The following MECOM variants were observed in gnomAD, a reference collection of about 807,000 sequenced individuals.
MECOM encodes the protein MDS1 and EVI1 complex locus.
A neutral mutation model predicts 116.3 loss-of-function variants in MECOM; 13 were observed. That is an observed-to-expected ratio of 0.11 (90% CI 0.07 to 0.18). MECOM has a LOEUF of 0.18. Ranked by LOEUF, MECOM falls within the 10% of genes least tolerant of loss-of-function variation. The pLI is 1.00. For missense variants in MECOM, 1,299 were observed against 1,509.0 expected (o/e 0.86, Z 2.31); for synonymous variants, 528 against 535.2 (o/e 0.99, Z 0.19).
At chr3:169,096,275 T>C (rs1576872233) in intron 12 of MECOM, among the ~76,000 whole-genome samples, 1 of 151,886 alleles carries the variant, frequency 6.6e-6, no homozygotes, top group African/African-American at 2.4e-5. Context: ...ATGACCTTTT[T>C]TTTTTTTGTT....
chr3:169,213,430 A>G (rs929004633), intron 2 of MECOM, among the ~76,000 whole-genome samples: 1 of 152,076 alleles, frequency 6.6e-6, no homozygotes, highest in Non-Finnish European at 1.5e-5. Flanking sequence ...TTTTCCTTTG[A>G]TTAAAAAAAT....
chr3:169,210,181 G>C (rs545557470), intron 2 of MECOM, among the ~76,000 whole-genome samples: 22 of 152,118 alleles, frequency 1.4e-4, no homozygotes, highest in African/African-American at 5.1e-4. Flanking sequence ...GGGGCCAGTC[G>C]GGAGTGGGGG....
chr3:169,265,816 G>A (rs998446357), intron 2 of MECOM, among the ~76,000 whole-genome samples: 3 of 152,098 alleles, frequency 2.0e-5, no homozygotes, highest in South Asian at 2.1e-4. Context: ...CTTTCCCTTC[G>A]CTAGGACCTC....
At chr3:169,386,242 T>G (rs936426797) in intron 1 of MECOM, among the ~76,000 whole-genome samples, 1 of 152,152 alleles carries the variant, frequency 6.6e-6, no homozygotes. Context: ...ATAATACCAA[T>G]AATAGTAACT....
At chr3:169,157,671 A>G (rs1742191780) in intron 2 of MECOM, among the ~76,000 whole-genome samples, 1 of 152,228 alleles carries the variant, frequency 6.6e-6, no homozygotes, top group Non-Finnish European at 1.5e-5. Context: ...AAATCTTAAT[A>G]TAGCCTGTCT....
chr3:169,604,988 T>G (rs966990404), intron 1 of MECOM, among the ~76,000 whole-genome samples: 4 of 152,160 alleles, frequency 2.6e-5, no homozygotes, highest in African/African-American at 9.7e-5. Flanking sequence ...TGATATTATC[T>G]AAAGGGCAAG....
chr3:169,374,747 A>G (rs1730728607), intron 2 of MECOM, among the ~76,000 whole-genome samples: 1 of 152,002 alleles, frequency 6.6e-6, no homozygotes, highest in Non-Finnish European at 1.5e-5. Context: ...TAGAAAGAAC[A>G]TAAGGCTGGG....
chr3:169,149,255 C>T (rs990378060), intron 2 of MECOM, among the ~76,000 whole-genome samples: 5 of 152,066 alleles, frequency 3.3e-5, no homozygotes, highest in Admixed American at 2.0e-4. Context: ...GGTCTGGGAG[C>T]TCAGCGCCCC....
intron 13 of MECOM, among the ~76,000 whole-genome samples, chr3:169,094,187 T>C (rs372749470): frequency 1.3e-5 from 2 of 152,314 alleles, no homozygotes; most frequent in African/African-American, 4.8e-5. Flanking sequence ...TGTGCCTTTA[T>C]AGGGGAAGAA....
intron 2 of MECOM, among the ~76,000 whole-genome samples, chr3:169,200,002 A>T (rs1463168338): frequency 6.6e-6 from 1 of 150,948 alleles, no homozygotes; most frequent in South Asian, 2.2e-4. Context: ...TAATATCAAG[A>T]TATAGTAAAA....
chr3:169,175,305 T>TA lies in MECOM; in HGVS notation c.376-31474_376-31473insT, dbSNP rs200133592. On this transcript the variant is annotated intron_variant, in intron 2 of 16. Coordinates refer to ENST00000651503, the MANE Select transcript of MECOM (RefSeq NM_004991.4). ...TCTGAAATGCTCCAAAATATGACAT[T>TA]TTTGAGTGCCTATATGACACCACAG... Among the ~76,000 whole-genome samples the TA allele has an allele frequency of 4.5e-3, 686 of 152,244 alleles. 4 individuals carry two copies. Among genetic ancestry groups the TA allele is most frequent in the African/African-American group, 0.016 (646 of 41,546 alleles).
intron 2 of MECOM, among the ~76,000 whole-genome samples, chr3:169,270,313 C>T (rs996582972): frequency 2.6e-5 from 4 of 151,928 alleles, no homozygotes; most frequent in African/African-American, 4.8e-5. Context: ...ATCCTAAATA[C>T]GTGAAAAAAT....
At chr3:169,398,986 C>T (rs115326474) in intron 1 of MECOM, among the ~76,000 whole-genome samples, 46 of 152,308 alleles carry the variant, frequency 3.0e-4, no homozygotes, top group Non-Finnish European at 6.0e-4. Context: ...CCATGTTCAT[C>T]ATCTCCTCAA....
chr3:169,503,792 G>A (rs1754847996), intron 1 of MECOM, among the ~76,000 whole-genome samples: 1 of 151,922 alleles, frequency 6.6e-6, no homozygotes, highest in Non-Finnish European at 1.5e-5. Flanking sequence ...TTTCCATCTG[G>A]CTCCAGAACT....
intron 2 of MECOM, among the ~76,000 whole-genome samples, chr3:169,289,141 A>G (rs1331447495): frequency 1.3e-5 from 2 of 152,224 alleles, no homozygotes; most frequent in African/African-American, 4.8e-5. Context: ...AATACTATAT[A>G]TCTATATGTG....
intron 1 of MECOM, among the ~76,000 whole-genome samples, chr3:169,423,278 C>A (rs1392087695): frequency 6.6e-6 from 1 of 152,046 alleles, no homozygotes; most frequent in Non-Finnish European, 1.5e-5. Context: ...ATCGAGGTAT[C>A]AACAGGAAAA....
chr3:169,177,568 C>A (rs969491858), intron 2 of MECOM, among the ~76,000 whole-genome samples: 1 of 151,984 alleles, frequency 6.6e-6, no homozygotes, highest in African/African-American at 2.4e-5. Context: ...GCATTTTCTG[C>A]ATATGTATCC....
At chr3:169,132,072 C>A in intron 3 of MECOM, 2 of 651,442 alleles carry the variant, frequency 3.1e-6, no homozygotes, top group Non-Finnish European at 3.8e-6. Context: ...CAAAACTTAA[C>A]CCCTCTCTCA....
chr3:169,349,310 T>A (rs1725902590), intron 2 of MECOM, among the ~76,000 whole-genome samples: 1 of 151,950 alleles, frequency 6.6e-6, no homozygotes, highest in Admixed American at 6.6e-5. Context: ...AGAAATTTTC[T>A]ACTGTGGAGA....
Sources: gnomAD v4.1 joint callset for allele counts (sites outside exome capture counted in the v4.1 genomes callset) on GRCh38, gnomAD v4.1.1 for gene constraint, MANE v1.5 for transcripts, NCBI Gene and HGNC (gene_info 2026-07-23, HGNC 2026-07-21) for gene names.